ST8SIA2: variants seen among roughly 807,000 people sequenced by gnomAD.
The protein encoded by ST8SIA2 is ST8 alpha-N-acetyl-neuraminide alpha-2,8-sialyltransferase 2, also known as alpha-2,8-sialyltransferase 8B.
A neutral mutation model predicts 37.6 loss-of-function variants in ST8SIA2; 22 were observed. That is an observed-to-expected ratio of 0.58 (90% CI 0.42 to 0.83). ST8SIA2 has a LOEUF of 0.83. ST8SIA2 is among the 40% of genes least tolerant of loss of function. The pLI, the probability that ST8SIA2 is intolerant of heterozygous loss-of-function variation, is 0.00. For synonymous variants in ST8SIA2, 205 were observed against 201.2 expected (o/e 1.02, Z -0.16); for missense variants, 382 against 484.7 (o/e 0.79, Z 1.99).
chr15:92,459,027 C>T (rs762896710), intron 5 of ST8SIA2, among the ~76,000 whole-genome samples: 4 of 152,072 alleles, frequency 2.6e-5, no homozygotes, highest in African/African-American at 7.2e-5. Flanking sequence ...GGCATCTAGG[C>T]GAGCACCCAG....
At chr15:92,442,082 T>C (rs998343867) in intron 4 of ST8SIA2, among the ~76,000 whole-genome samples, 1 of 152,196 alleles carries the variant, frequency 6.6e-6, no homozygotes, top group Admixed American at 6.5e-5. Context: ...ATTGAACCCC[T>C]TCCTAACGCC....
At chr15:92,430,488 G>T (rs1402526805) in intron 2 of ST8SIA2, among the ~76,000 whole-genome samples, 3 of 152,196 alleles carry the variant, frequency 2.0e-5, no homozygotes, top group African/African-American at 7.2e-5. Context: ...CGTCCAGGAG[G>T]TTAAGATGGA....
intron 5 of ST8SIA2, among the ~76,000 whole-genome samples, chr15:92,448,654 T>C (rs1361536447): frequency 6.6e-6 from 1 of 152,214 alleles, no homozygotes; most frequent in Non-Finnish European, 1.5e-5. Context: ...CCTACTGTGA[T>C]TGTGGCAGCT....
intron 1 of ST8SIA2, among the ~76,000 whole-genome samples, chr15:92,398,801 G>A (rs1008950179): frequency 2.6e-5 from 4 of 152,210 alleles, no homozygotes; most frequent in Non-Finnish European, 5.9e-5. Context: ...AGACTGCCCT[G>A]TCCTCTGAGT....
chr15:92,426,444 T>C (rs2049676601), intron 1 of ST8SIA2, among the ~76,000 whole-genome samples: 1 of 152,006 alleles, frequency 6.6e-6, no homozygotes, highest in South Asian at 2.1e-4. Context: ...CACCAAAATA[T>C]CGAGTGCCGA....
At chr15:92,446,254 C>T (rs564840804) in intron 5 of ST8SIA2, among the ~76,000 whole-genome samples, 10 of 152,172 alleles carry the variant, frequency 6.6e-5, no homozygotes, top group Non-Finnish European at 1.2e-4. Flanking sequence ...AATGATCTCT[C>T]CGCATGGGCT....
chr15:92,429,945 C>A (rs2049703014), intron 1 of ST8SIA2, 104 bp from the exon 2 acceptor site: 1 of 1,250,258 alleles, frequency 8.0e-7, no homozygotes, highest in Non-Finnish European at 1.2e-6. Context: ...GTCTCTTCCA[C>A]CCTCTGTAGT....
intron 5 of ST8SIA2, among the ~76,000 whole-genome samples, chr15:92,446,945 G>A (rs1025195764): frequency 2.4e-4 from 37 of 152,124 alleles, no homozygotes; most frequent in Admixed American, 1.8e-3. Context: ...ATGTTTGTGG[G>A]CCATGGTAAA....
intron 2 of ST8SIA2, among the ~76,000 whole-genome samples, chr15:92,430,792 G>A (rs1324404175): frequency 1.3e-5 from 2 of 152,142 alleles, no homozygotes; most frequent in Non-Finnish European, 1.5e-5. Flanking sequence ...AAGGAGCGGT[G>A]GAAGGAAGTG....
chr15:92,434,642 G>A (rs1199718395), intron 3 of ST8SIA2, among the ~76,000 whole-genome samples: 3 of 151,816 alleles, frequency 2.0e-5, no homozygotes, highest in Non-Finnish European at 4.4e-5. Flanking sequence ...CTTGAGTCTC[G>A]GGTCAGCAGC....
At chr15:92,416,609 C>T (rs921643062) in intron 1 of ST8SIA2, among the ~76,000 whole-genome samples, 1 of 152,134 alleles carries the variant, frequency 6.6e-6, no homozygotes, top group African/African-American at 2.4e-5. Context: ...GGGTCATGCT[C>T]AGGTCACTGA....
chr15:92,411,153 C>T (rs1567211942), intron 1 of ST8SIA2, among the ~76,000 whole-genome samples: 1 of 152,186 alleles, frequency 6.6e-6, no homozygotes, highest in African/African-American at 2.4e-5. Flanking sequence ...TTCAGATCCA[C>T]GAACCCCTTG....
At chr15:92,394,961 A>T (rs1383169992) in intron 1 of ST8SIA2, among the ~76,000 whole-genome samples, 1 of 151,890 alleles carries the variant, frequency 6.6e-6, no homozygotes, top group Non-Finnish European at 1.5e-5. Context: ...ACCTCGCCAG[A>T]GGTAGGGTGG....
In ST8SIA2 at chr15:92,413,192, G is replaced by A. The variant is rs960299907; in HGVS notation, c.99-16857G>A. On this transcript the variant is annotated intron_variant, in intron 1 of 5. Coordinates refer to ENST00000268164, the MANE Select transcript of ST8SIA2 (RefSeq NM_006011.4). Reference sequence around the variant, plus strand: ...GCAGAGTAGGTGCTCCATGATGCTCGAAAAAGAAAGGCATGTTAATTGAAA... The same window carrying A: ...GCAGAGTAGGTGCTCCATGATGCTCAAAAAAGAAAGGCATGTTAATTGAAA... 4.6e-5 allele frequency among the ~76,000 whole-genome samples: 7 copies of A among 152,212 alleles called. No individual in the cohort carries two copies. In the East Asian group the frequency reaches 7.7e-4, roughly 17 times the overall value.
intron 1 of ST8SIA2, among the ~76,000 whole-genome samples, chr15:92,403,590 G>A (rs1016960489): frequency 3.9e-5 from 6 of 152,106 alleles, no homozygotes; most frequent in African/African-American, 1.2e-4. Context: ...TTTGAAAATC[G>A]GCTGCACGCG....
chr15:92,434,551 G>A (rs556000237), intron 3 of ST8SIA2, among the ~76,000 whole-genome samples, 176 bp downstream of exon 3: 4 of 152,326 alleles, frequency 2.6e-5, no homozygotes, highest in East Asian at 3.9e-4. Context: ...CAAGCCTAGC[G>A]GCCCAGCCTG....
In ST8SIA2 at chr15:92,435,816, G is replaced by A. The variant is rs377618213; in HGVS notation, c.290+1441G>A. Among the ~76,000 whole-genome samples, 43 of 152,202 alleles carry A rather than the reference G, an allele frequency of 2.8e-4. No individual in the cohort carries two copies. In the South Asian group the frequency reaches 7.3e-3, roughly 26 times the overall value. On this transcript the variant is annotated intron_variant, in intron 3 of 5. Coordinates refer to ENST00000268164, the MANE Select transcript of ST8SIA2 (RefSeq NM_006011.4). ...ACCGCCCCCTTTGATCAGGGACACCGTGGAGTCAGCAACCCCAACTGCATT... is the reference window on the plus strand; with the variant it reads ...ACCGCCCCCTTTGATCAGGGACACCATGGAGTCAGCAACCCCAACTGCATT...
intron 1 of ST8SIA2, among the ~76,000 whole-genome samples, chr15:92,398,365 C>T (rs2049447252): frequency 6.6e-6 from 1 of 152,194 alleles, no homozygotes; most frequent in African/African-American, 2.4e-5. Flanking sequence ...CATATTAGTT[C>T]CTCTACCCAT....
intron 5 of ST8SIA2, among the ~76,000 whole-genome samples, chr15:92,447,686 C>T (rs1300535677): frequency 6.6e-6 from 1 of 152,204 alleles, no homozygotes; most frequent in Non-Finnish European, 1.5e-5. Context: ...AGATGGGTAT[C>T]AACAGGGAAA....
Sources: gnomAD v4.1 joint callset for allele counts (sites outside exome capture counted in the v4.1 genomes callset) on GRCh38, gnomAD v4.1.1 for gene constraint, MANE v1.5 for transcripts, NCBI Gene and HGNC (gene_info 2026-07-23, HGNC 2026-07-21) for gene names.